Variants in CEP63 observed in about 807,000 individuals in gnomAD.
CEP63 encodes centrosomal protein 63.
A neutral mutation model predicts 89.1 loss-of-function variants in CEP63; 84 were observed. That is an observed-to-expected ratio of 0.94 (90% CI 0.79 to 1.13). CEP63 has a LOEUF of 1.13. Ranked by LOEUF, CEP63 falls within the 50% of genes most tolerant of loss-of-function variation. The probability of loss-of-function intolerance (pLI) is 0.00; values close to 1 mark genes in which losing one functional copy is unlikely to be tolerated. For synonymous variants in CEP63, 267 were observed against 272.5 expected, an observed-to-expected ratio of 0.98 and a Z score of 0.20; for missense variants, 838 against 813.3, an observed-to-expected ratio of 1.03 and a Z score of -0.37.
the CEP63 span, among the ~76,000 whole-genome samples, chr3:134,668,445 G>A: frequency 6.6e-6 from 1 of 152,160 alleles, no homozygotes. Flanking sequence ...GAGAAAGGCT[G>A]TCCAGGTGTG....
the CEP63 span, among the ~76,000 whole-genome samples, chr3:134,674,016 T>A: frequency 6.6e-6 from 1 of 152,338 alleles, no homozygotes; most frequent in South Asian, 2.1e-4. Flanking sequence ...GCAAAATTCA[T>A]TCCATTGGAC....
At chr3:134,664,914 T>C in the CEP63 span, among the ~76,000 whole-genome samples, 4 of 152,152 alleles carry the variant, frequency 2.6e-5, no homozygotes, top group Admixed American at 6.5e-5. Flanking sequence ...CCAGTGAAGA[T>C]ATTTTTCTCA....
chr3:134,705,082 C>G, the CEP63 span, among the ~76,000 whole-genome samples: 1 of 152,118 alleles, frequency 6.6e-6, no homozygotes, highest in African/African-American at 2.4e-5. Flanking sequence ...AAATAACCTG[C>G]AAGAGGCTAA....
At chr3:134,759,773 T>G in the CEP63 span, among the ~76,000 whole-genome samples, 2 of 152,210 alleles carry the variant, frequency 1.3e-5, no homozygotes, top group African/African-American at 4.8e-5. Context: ...AACTGTAATC[T>G]TAAAAGAAGA....
the CEP63 span, among the ~76,000 whole-genome samples, chr3:134,679,561 T>C: frequency 6.6e-6 from 1 of 152,232 alleles, no homozygotes; most frequent in East Asian, 1.9e-4. Context: ...TAAGAACATA[T>C]AAACTATTAT....
At chr3:134,736,494 G>T in the CEP63 span, among the ~76,000 whole-genome samples, 290 of 152,194 alleles carry the variant, frequency 1.9e-3, 3 homozygotes, top group African/African-American at 6.6e-3. Flanking sequence ...AAAATTAGAT[G>T]CACTCCTATT....
At chr3:134,650,784 G>T in the CEP63 span, 1 of 1,520,994 alleles carries the variant, frequency 6.6e-7, no homozygotes, top group Non-Finnish European at 8.8e-7. Context: ...AGGAGGCCAA[G>T]GTGCCGGGGG....
At chr3:134,779,066 T>C in the CEP63 span, among the ~76,000 whole-genome samples, 1 of 152,344 alleles carries the variant, frequency 6.6e-6, no homozygotes, top group Non-Finnish European at 1.5e-5. Flanking sequence ...ATCCATATCT[T>C]TGTCTACATT....
chr3:134,614,406 T>C, the CEP63 span, among the ~76,000 whole-genome samples: 1 of 151,986 alleles, frequency 6.6e-6, no homozygotes, highest in Non-Finnish European at 1.5e-5. Flanking sequence ...AAAACATGGA[T>C]GTAAGATGCC....
At chr3:134,583,755 A>G (rs1385348593) in intron 10 of CEP63, among the ~76,000 whole-genome samples, 4 of 152,184 alleles carry the variant, frequency 2.6e-5, no homozygotes, top group Non-Finnish European at 5.9e-5. Flanking sequence ...CATTGAATCT[A>G]TAAATTACCT....
chr3:134,732,227 T>C, the CEP63 span, among the ~76,000 whole-genome samples: 1,219 of 152,260 alleles, frequency 8.0e-3, 16 homozygotes, highest in African/African-American at 0.028. Context: ...ACATAATACT[T>C]CAGGAAAAAT....
chr3:134,649,040 C>G, the CEP63 span, among the ~76,000 whole-genome samples: 1 of 152,168 alleles, frequency 6.6e-6, no homozygotes, highest in Non-Finnish European at 1.5e-5. Context: ...CTGGCTTTGC[C>G]TGGGGTCTCC....
intron 6 of CEP63, among the ~76,000 whole-genome samples, chr3:134,541,081 C>T (rs554957758): frequency 1.6e-4 from 24 of 152,158 alleles, no homozygotes; most frequent in African/African-American, 4.6e-4. Context: ...CGCACCTGGC[C>T]GGATGTTTAT....
At chr3:134,579,063 C>T (rs1958286108), downstream of CEP63, among the ~76,000 whole-genome samples, 1 of 152,226 alleles carries the variant, frequency 6.6e-6, no homozygotes, top group Admixed American at 6.5e-5. Context: ...GGCCCCCACA[C>T]CATTTCTTTA....
the CEP63 span, chr3:134,625,061 C>G: frequency 6.3e-7 from 1 of 1,596,932 alleles, no homozygotes; most frequent in Non-Finnish European, 8.5e-7. Context: ...ACCTGTGAGG[C>G]GTAGATATCC....
chr3:134,531,553 G>T (rs150980942), intron 3 of CEP63, among the ~76,000 whole-genome samples: 3 of 152,116 alleles, frequency 2.0e-5, no homozygotes, highest in Admixed American at 6.5e-5. Flanking sequence ...CTGCACTCCA[G>T]CCTGGGCGAG....
At chr3:134,590,902 A>T (rs1577529950), downstream of CEP63, among the ~76,000 whole-genome samples, 1 of 152,088 alleles carries the variant, frequency 6.6e-6, no homozygotes. Flanking sequence ...TCCTGTCTGG[A>T]CTGTGTTCAT....
chr3:134,655,545 C>T, the CEP63 span, among the ~76,000 whole-genome samples: 4 of 152,224 alleles, frequency 2.6e-5, no homozygotes, highest in South Asian at 4.2e-4. Context: ...TGTGACCTAC[C>T]CAAGGTCTCA....
chr3:134,624,785 T>C, the CEP63 span, among the ~76,000 whole-genome samples: 1 of 152,152 alleles, frequency 6.6e-6, no homozygotes, highest in Non-Finnish European at 1.5e-5. Flanking sequence ...CCAGAGGGGC[T>C]TGCCAATGAA....
Sources: allele counts gnomAD v4.1 joint callset (sites outside exome capture counted in the v4.1 genomes callset), GRCh38; gene constraint gnomAD v4.1.1; transcripts MANE v1.5; gene names NCBI Gene and HGNC (gene_info 2026-07-23, HGNC 2026-07-21).